The following KIAA2012 variants were observed in gnomAD, a reference collection of about 807,000 sequenced individuals.
The protein encoded by KIAA2012 is uncharacterized protein KIAA2012.
KIAA2012 carries 125 observed loss-of-function variants against 150.6 expected under a neutral mutation model. That is an observed-to-expected ratio of 0.83 (90% CI 0.72 to 0.96). The LOEUF (loss-of-function observed/expected upper bound fraction) is 0.96, where lower values mean the gene tolerates loss of function less well. Ranked by LOEUF, KIAA2012 falls within the 40% of genes least tolerant of loss-of-function variation. The pLI is 0.00. For missense variants in KIAA2012, 1,219 were observed against 1,354.9 expected (o/e 0.90, Z 1.57); for synonymous variants, 462 against 504.7 (o/e 0.92, Z 1.13).
At chr2:202,099,390 T>A in intron 5 of KIAA2012, among the ~76,000 whole-genome samples, 1 of 152,174 alleles carries the variant, frequency 6.6e-6, no homozygotes, top group Non-Finnish European at 1.5e-5. Flanking sequence ...GCACTATATG[T>A]CAGGCATGGC....
chr2:202,105,666 G>A (rs1417870081), intron 8 of KIAA2012, 95 bp from the exon 9 acceptor site: 1 of 1,460,534 alleles, frequency 6.8e-7, no homozygotes, highest in South Asian at 1.4e-5. Flanking sequence ...CAAACCACAT[G>A]GTGTGAGCAG....
chr2:202,152,093 ATTTTCTGACT>A (rs903241396), intron 13 of KIAA2012, among the ~76,000 whole-genome samples: 1 of 151,944 alleles, frequency 6.6e-6, no homozygotes, highest in African/African-American at 2.4e-5. Context: ...CCTGCTTTCA[ATTTTCTGACT>A]TTTTCTTCTC....
intron 9 of KIAA2012, among the ~76,000 whole-genome samples, chr2:202,108,286 T>C (rs972306799): frequency 1.3e-5 from 2 of 152,230 alleles, no homozygotes; most frequent in Admixed American, 1.3e-4. Context: ...TAATCCCTTA[T>C]CAGCACGTAT....
At chr2:202,174,545 A>G (rs1430970775) in intron 15 of KIAA2012, among the ~76,000 whole-genome samples, 1 of 152,228 alleles carries the variant, frequency 6.6e-6, no homozygotes, top group Admixed American at 6.5e-5. Context: ...TGTGTAAAAA[A>G]TAGTGTTTGA....
intron 13 of KIAA2012, among the ~76,000 whole-genome samples, chr2:202,147,886 G>A (rs949313121): frequency 7.2e-5 from 11 of 152,074 alleles, no homozygotes; most frequent in African/African-American, 2.2e-4. Flanking sequence ...AAAATAGAAT[G>A]TGTCATCTCT....
chr2:202,088,539 C>A (rs1689636314), intron 2 of KIAA2012, among the ~76,000 whole-genome samples: 1 of 152,174 alleles, frequency 6.6e-6, no homozygotes, highest in Non-Finnish European at 1.5e-5. Flanking sequence ...CTCCTCAGCT[C>A]CCTTTAGGAG....
At chr2:202,080,395 T>C (rs1689421304) in intron 2 of KIAA2012, among the ~76,000 whole-genome samples, 1 of 152,114 alleles carries the variant, frequency 6.6e-6, no homozygotes, top group South Asian at 2.1e-4. Context: ...GAATAGAATA[T>C]TTATAACAAT....
Position 202,193,303 on chromosome 2 carries a change from C to T in KIAA2012, c.2814C>T (p.Ala938=). ...CTGAGAACACTCTGGTTTCTTAGGC[C>T]CTCCTCACTAAGAGGGAGCAGGAGA... The part of the protein sequence containing the change: ...EERRCEDPSK[A]LLTKREQEKA... Residue 938 remains alanine, a splice_region_variant and synonymous_variant, in exon 20 of 24, where the codon GCC becomes GCT. Coordinates refer to ENST00000498697, the MANE Select transcript of KIAA2012 (RefSeq NM_001277372.4). 1 of 1,549,152 alleles carries T rather than the reference C, an allele frequency of 6.5e-7. No individual in the cohort carries two copies. The highest frequency in any genetic ancestry group is 1.2e-5 in the South Asian group (1 of 83,954).
At chr2:202,187,924 C>T (rs899757875) in intron 17 of KIAA2012, among the ~76,000 whole-genome samples, 3 of 152,044 alleles carry the variant, frequency 2.0e-5, no homozygotes, top group African/African-American at 7.2e-5. Context: ...GTTTTTTCTT[C>T]CTCTTTCCTC....
chr2:202,149,438 T>G (rs1203075140), intron 13 of KIAA2012, among the ~76,000 whole-genome samples: 1 of 152,194 alleles, frequency 6.6e-6, no homozygotes, highest in African/African-American at 2.4e-5. Flanking sequence ...TTTCAGATCT[T>G]GGTTACAAAG....
intron 12 of KIAA2012, among the ~76,000 whole-genome samples, chr2:202,131,741 A>G (rs1158587412): frequency 6.6e-6 from 1 of 152,192 alleles, no homozygotes; most frequent in African/African-American, 2.4e-5. Context: ...AGAAAGGACA[A>G]TATAAAGGTG....
At chr2:202,084,091 G>C (rs533655774) in intron 2 of KIAA2012, among the ~76,000 whole-genome samples, 9 of 152,272 alleles carry the variant, frequency 5.9e-5, no homozygotes, top group African/African-American at 1.9e-4. Context: ...ACCTGGGGAA[G>C]TGGGTGGGGC....
intron 12 of KIAA2012, chr2:202,136,936 T>TCCA (rs1457083546): frequency 6.6e-6 from 1 of 152,226 alleles, no homozygotes; most frequent in Non-Finnish European, 1.5e-5. Context: ...CACTGCAACC[T>TCCA]CCACCTCCCG....
intron 2 of KIAA2012, among the ~76,000 whole-genome samples, chr2:202,076,454 T>C (rs952097283): frequency 6.6e-6 from 1 of 152,156 alleles, no homozygotes; most frequent in African/African-American, 2.4e-5. Context: ...TCTTTCAAAA[T>C]AGAGAAGCTT....
chr2:202,148,071 A>T (rs781079591), intron 13 of KIAA2012, among the ~76,000 whole-genome samples: 11 of 152,202 alleles, frequency 7.2e-5, no homozygotes, highest in African/African-American at 9.6e-5. Context: ...GCACGTAATA[A>T]TGTTGAAGAC....
chr2:202,182,178 G>A (rs1419537445), intron 15 of KIAA2012, among the ~76,000 whole-genome samples: 2 of 142,476 alleles, frequency 1.4e-5, no homozygotes, highest in South Asian at 2.2e-4. Flanking sequence ...GCAATGGCGC[G>A]ATCTCAGTTC....
At chr2:202,155,968 C>T (rs1691517776) in intron 14 of KIAA2012, among the ~76,000 whole-genome samples, 1 of 152,154 alleles carries the variant, frequency 6.6e-6, no homozygotes, top group Non-Finnish European at 1.5e-5. Flanking sequence ...CTTATCCATA[C>T]CCAAATGAAA....
At position 202,143,182 on chromosome 2, in the gene KIAA2012, T is replaced by G. The variant is rs534618299; in HGVS notation, c.1908+4674T>G. Among the ~76,000 whole-genome samples, 19 of 150,860 alleles carry G rather than the reference T, an allele frequency of 1.3e-4. No homozygotes were observed. In the South Asian group the frequency reaches 1.7e-3, roughly 13 times the overall value. On this transcript the variant is annotated intron_variant, in intron 13 of 23. Transcript: ENST00000498697. ...TCACTGCAACCTCCGCCTCCAGGGT[T>G]CAAGCAATTCTCTTACCTCAGCCTC...
chr2:202,165,473 G>C, intron 15 of KIAA2012, 117 bp downstream of exon 15: 1 of 1,008,980 alleles, frequency 9.9e-7, no homozygotes, highest in South Asian at 1.5e-5. Flanking sequence ...TGTAGTCCCA[G>C]CACTTTGTGA....
Sources: allele counts gnomAD v4.1 joint callset (sites outside exome capture counted in the v4.1 genomes callset), GRCh38; gene constraint gnomAD v4.1.1; transcripts MANE v1.5; gene names NCBI Gene and HGNC (gene_info 2026-07-23, HGNC 2026-07-21).